MIA2: variants seen among roughly 807,000 people sequenced by gnomAD.
MIA2 encodes MIA SH3 domain ER export factor 2.
In MIA2, 127 loss-of-function variants were observed where a neutral mutation model predicts 167.8. That is an observed-to-expected ratio of 0.76 (90% CI 0.66 to 0.88). The LOEUF (loss-of-function observed/expected upper bound fraction) is 0.88, where lower values mean the gene tolerates loss of function less well. MIA2 is among the 40% of genes least tolerant of loss of function. The pLI is 0.00. For synonymous variants in MIA2, 552 were observed against 541.9 expected (o/e 1.02, Z -0.26); for missense variants, 1,690 against 1,624.7 (o/e 1.04, Z -0.69).
chr14:39,323,978 A>G (rs1258572934), intron 24 of MIA2, among the ~76,000 whole-genome samples: 1 of 152,240 alleles, frequency 6.6e-6, no homozygotes. Flanking sequence ...TCTATGATCC[A>G]CCAAAGGAGG....
chr14:39,294,934 A>G lies in MIA2; in HGVS notation c.2401A>G (p.Thr801Ala), dbSNP rs150627486. The G allele has an allele frequency of 2.7e-4, 439 of 1,610,770 alleles. 2 individuals are homozygous for G. In the African/African-American group the frequency reaches 5.4e-3, roughly 20 times the overall value. Residue 801 changes from threonine (T) to alanine (A), a missense_variant, in exon 13 of 29, where the codon ACC becomes GCC. Transcript: ENST00000640607. ...TTTTTGTTTCACTTAGGCCAAAATG[A>G]CCTTCAAGATATTTCAAATGAATGA... ...LKSQVAEAKMTFKIFQMNEER... is the reference protein window; with the variant it reads ...LKSQVAEAKMAFKIFQMNEER...
intron 21 of MIA2, 39 bp downstream of exon 21, chr14:39,315,757 G>T (rs747152647): frequency 5.8e-6 from 8 of 1,375,144 alleles, no homozygotes; most frequent in East Asian, 2.4e-5. Flanking sequence ...TTGTCAAATT[G>T]TATGTTTTTT....
In MIA2 at chr14:39,302,317, C is replaced by T. The variant is rs988084544; in HGVS notation, c.2740+68C>T. 2.6e-6 allele frequency: 4 copies of T among 1,546,854 alleles called. No homozygotes were observed. In the African/African-American group the frequency reaches 4.1e-5, roughly 16 times the overall value. The stretch of plus-strand genomic sequence containing the variant: ...AGCTCTTCTATTTCCTTTTCGTTCC[C>T]TGTGTGCACCATGTTCTTTATATGC... On this transcript the variant is annotated intron_variant, in intron 15 of 28. Transcript: ENST00000640607.
chr14:39,247,234 G>T lies in MIA2; in HGVS notation c.660G>T (p.Val220=). The T allele has an allele frequency of 6.2e-7, 1 of 1,614,128 alleles. No homozygotes were observed. The highest frequency in any genetic ancestry group is 8.5e-7 in the Non-Finnish European group (1 of 1,180,026). ...PEVHVPPSSA[V]SGVKEWFGLG... is the part of the protein sequence containing the mutation. ...TGCATGTCCCACCATCTTCAGCTGT[G>T]TCTGGAGTCAAAGAATGGTTTGGAT... Residue 220 remains valine (V), a synonymous_variant, in exon 4 of 29, where the codon GTG becomes GTT. Transcript: ENST00000640607.
intron 6 of MIA2, among the ~76,000 whole-genome samples, chr14:39,264,298 A>G (rs1050967481): frequency 1.4e-4 from 22 of 152,226 alleles, no homozygotes; most frequent in Admixed American, 3.9e-4. Flanking sequence ...ATGGCTGCAT[A>G]GTATTCCATC....
chr14:39,369,208 G>A (rs2074885856), intron 23 of MIA2, among the ~76,000 whole-genome samples: 1 of 152,150 alleles, frequency 6.6e-6, no homozygotes. Flanking sequence ...GGTTTGCCTT[G>A]GGTTGAGCAG....
At chr14:39,275,519 G>C (rs1325345782) in intron 6 of MIA2, among the ~76,000 whole-genome samples, 1 of 152,162 alleles carries the variant, frequency 6.6e-6, no homozygotes, top group Non-Finnish European at 1.5e-5. Context: ...AAATATTATT[G>C]TACTAAAGGT....
At chr14:39,357,739 G>T (rs2074567176) in intron 23 of MIA2, among the ~76,000 whole-genome samples, 1 of 152,158 alleles carries the variant, frequency 6.6e-6, no homozygotes, top group Non-Finnish European at 1.5e-5. Context: ...CTCCCGTAGG[G>T]CAGGCCTGGT....
rs138012588 is a variant in MIA2 at position 39,258,525 on chromosome 14, G to T, written c.1887+5354G>T. On this transcript the variant is annotated intron_variant, in intron 6 of 28. Coordinates refer to ENST00000640607, the MANE Select transcript of MIA2 (RefSeq NM_001329214.4). ...TTCTTGGCTTCCTTGCACTGGGTTA[G>T]AACATGCTCCTTTAGCTCAGAGGAG... Among the ~76,000 whole-genome samples the T allele has an allele frequency of 1.0e-3, 155 of 152,280 alleles. 1 individual carries two copies. Among genetic ancestry groups the T allele is most frequent in the African/African-American group, 3.3e-3 (138 of 41,560 alleles).
At chr14:39,379,602 AGCACTTTGGGAG>A (rs1405030159) in intron 23 of MIA2, among the ~76,000 whole-genome samples, 2 of 152,068 alleles carry the variant, frequency 1.3e-5, no homozygotes, top group African/African-American at 4.8e-5. Context: ...CTGTAATCCC[AGCACTTTGGGAG>A]GCTGAGGCGG....
At chr14:39,240,440 G>A in intron 2 of MIA2, 121 bp from the exon 3 acceptor site, 2 of 581,650 alleles carry the variant, frequency 3.4e-6, no homozygotes, top group East Asian at 3.0e-5. Context: ...GAAATTGATA[G>A]TCGAGTAATG....
chr14:39,380,511 G>A lies in MIA2; in HGVS notation c.2249-6374G>A, dbSNP rs570471625. 6.6e-4 allele frequency among the ~76,000 whole-genome samples: 101 copies of A among 151,924 alleles called. 1 individual carries two copies. Among genetic ancestry groups the A allele is most frequent in the Non-Finnish European group, 1.3e-3 (86 of 67,974 alleles). ...AGATAGAGAGCATCCTGGCCAACATGGTGAAACCCTATCTCTACTAAAAAG... is the reference window on the plus strand; with the variant it reads ...AGATAGAGAGCATCCTGGCCAACATAGTGAAACCCTATCTCTACTAAAAAG... On this transcript the variant is annotated intron_variant, in intron 23 of 23. Coordinates refer to the MIA2 transcript ENST00000341502.
intron 9 of MIA2, among the ~76,000 whole-genome samples, chr14:39,285,557 C>T (rs1367814822): frequency 7.1e-5 from 10 of 141,648 alleles, no homozygotes; most frequent in South Asian, 2.2e-4. Context: ...GATGGCTGGC[C>T]GGGCGGGGGC....
intron 7 of MIA2, 78 bp from the exon 8 acceptor site, chr14:39,279,259 G>T: frequency 8.4e-7 from 1 of 1,186,914 alleles, no homozygotes; most frequent in Non-Finnish European, 1.2e-6. Flanking sequence ...TTTCTAAGTT[G>T]GCAGTAGACG....
intron 18 of MIA2, among the ~76,000 whole-genome samples, chr14:39,311,976 C>T (rs779268676): frequency 4.6e-5 from 7 of 151,128 alleles, no homozygotes; most frequent in East Asian, 2.0e-4. Flanking sequence ...ATTACAGGTG[C>T]GCGCCACCAT....
At chr14:39,290,468 T>C (rs2060583369) in intron 9 of MIA2, among the ~76,000 whole-genome samples, 1 of 152,230 alleles carries the variant, frequency 6.6e-6, no homozygotes, top group Admixed American at 6.5e-5. Context: ...TTATATGTTT[T>C]ATTGTTCATT....
chr14:39,294,478 A>G (rs1438834330), intron 12 of MIA2, among the ~76,000 whole-genome samples: 1 of 151,796 alleles, frequency 6.6e-6, no homozygotes, highest in Non-Finnish European at 1.5e-5. Flanking sequence ...GATTACAGGC[A>G]TGAGCCACCA....
intron 6 of MIA2, among the ~76,000 whole-genome samples, chr14:39,256,065 C>A (rs995403219): frequency 2.0e-5 from 3 of 152,162 alleles, no homozygotes; most frequent in Non-Finnish European, 4.4e-5. Flanking sequence ...ATATTAAAAT[C>A]TGAATTTCTG....
chr14:39,248,029 A>G lies in MIA2; in HGVS notation c.1455A>G (p.Ile485Met). ...CAGAATTGCCATTTCCCAAACAGAT[A>G]CTGGATCAAAATAATGTAATTGAAA... ...KETELPFPKQ[I>M]LDQNNVIENE... The change falls in exon 4 of 29, where the codon ATA (isoleucine) becomes ATG (methionine). Residue 485 changes from isoleucine to methionine, a missense_variant. Transcript: ENST00000640607. 1 of 1,574,172 alleles carries G rather than the reference A, an allele frequency of 6.4e-7. No individual in the cohort carries two copies. The highest frequency in any genetic ancestry group is 1.2e-5 in the South Asian group (1 of 82,788).
Sources: allele counts gnomAD v4.1 joint callset (sites outside exome capture counted in the v4.1 genomes callset), GRCh38; gene constraint gnomAD v4.1.1; transcripts MANE v1.5; gene names NCBI Gene and HGNC (gene_info 2026-07-23, HGNC 2026-07-21).